The following PRX variants were observed in gnomAD, a reference collection of about 807,000 sequenced individuals.
The protein encoded by PRX is periaxin.
A neutral mutation model predicts 29.6 loss-of-function variants in PRX; 24 were observed. The observed-to-expected ratio is 0.81, with a 90% CI of 0.59 to 1.14. The LOEUF (loss-of-function observed/expected upper bound fraction) is 1.14. PRX is among the 50% of genes most tolerant of loss of function. PRX has a pLI of 0.00. For synonymous variants in PRX, 772 were observed against 831.7 expected (o/e 0.93, Z 1.24); for missense variants, 1,838 against 1,926.4 (o/e 0.95, Z 0.86).
chr19:40,396,223 T>G lies in PRX; in HGVS notation c.2129A>C (p.Gln710Pro). Reference protein sequence around the residue: ...AVPDVHLPEVQLPKVCEMKVP... With the variant: ...AVPDVHLPEVPLPKVCEMKVP... ...TTTCATTTCACAGACTTTGGGCAGCTGCACCTCTGGGAGGTGCACATCGGG... is the reference window on the plus strand; with the variant it reads ...TTTCATTTCACAGACTTTGGGCAGCGGCACCTCTGGGAGGTGCACATCGGG... The change falls in exon 7 of 7, where the codon CAG becomes CCG. Residue 710 changes from glutamine (Q) to proline (P), a missense_variant. Coordinates refer to ENST00000324001, the MANE Select transcript of PRX (RefSeq NM_181882.3). The G allele has an allele frequency of 6.2e-7, 1 of 1,613,050 alleles. No individual in the cohort carries two copies. The highest frequency in any genetic ancestry group is 8.5e-7 in the Non-Finnish European group (1 of 1,179,840).
In PRX at chr19:40,395,488, G is replaced by C; in HGVS notation, c.2864C>G (p.Thr955Ser). 6.2e-7 allele frequency: 1 copy of C among 1,613,844 alleles called. No homozygotes were observed. Among genetic ancestry groups the C allele is most frequent in the Non-Finnish European group, 8.5e-7 (1 of 1,179,950 alleles). ...GGCAAATTTGGATACCTTCAGCTTG[G>C]TAGCTCGCCCAGCCCCCTCAGCCTC... Reference protein sequence around the residue: ...KAEAEGAGRATKLKVSKFAIS... With the variant: ...KAEAEGAGRASKLKVSKFAIS... The change falls in exon 7 of 7, where the codon ACC (threonine) becomes AGC (serine). Residue 955 changes from threonine to serine, a missense_variant. Thr to Ser is a moderately conservative substitution (Grantham distance 58, BLOSUM62 1). Transcript: ENST00000324001.
rs369949312 is a variant in PRX, at chr19:40,394,003, G to C, written c.4349C>G (p.Pro1450Arg). 1 of 1,613,274 alleles carries C rather than the reference G, an allele frequency of 6.2e-7. No individual in the cohort carries two copies. Among genetic ancestry groups the C allele is most frequent in the Non-Finnish European group, 8.5e-7 (1 of 1,179,816 alleles). ...VGFSETGAPG[P>R]ARMEGAQAAA... ...AGCCTGAGCCCCCTCCATCCTGGCC[G>C]GGCCTGGAGCCCCTGTCTCTGAAAA... Residue 1450 changes from proline to arginine, a missense_variant, in exon 7 of 7, where the codon CCG becomes CGG. By Grantham distance (103) the Pro-to-Arg change is moderately radical. Coordinates refer to ENST00000324001, the MANE Select transcript of PRX (RefSeq NM_181882.3). The surrounding 1 kb of genome is among the most constrained non-coding windows in gnomAD (Gnocchi z 5.8).
Position 40,395,232 on chromosome 19 carries a change from TGGCACTA to T in PRX, c.3113_3119del (p.Leu1038GlnfsTer17), listed in dbSNP as rs1191080541. 1 of 1,613,454 alleles carries T rather than the reference TGGCACTA, an allele frequency of 6.2e-7. No individual in the cohort carries two copies. Among genetic ancestry groups the T allele is most frequent in the Admixed American group, 1.7e-5 (1 of 59,978 alleles). On this transcript the variant is annotated frameshift_variant, in exon 7 of 7. Transcript: ENST00000324001. LOFTEE classifies it low-confidence loss of function (END_TRUNC). Reference sequence around the variant, plus strand: ...CCTTGCCCTCCAACTCAGCCACCCCTGGCACTAGTTCTGCTGCCTCAGTGTCCCGGCC... The same window carrying T: ...CCTTGCCCTCCAACTCAGCCACCCCTGTTCTGCTGCCTCAGTGTCCCGGCC...
At position 40,397,804 on chromosome 19, in the gene PRX, G is replaced by T; in HGVS notation, c.548C>A (p.Pro183His). The stretch of plus-strand genomic sequence containing the variant: ...AGGCAGCTGGAGGCGCCGGCGGGCA[G>T]GGGCAGCCGGGACAGGACCCTTGAC... The part of the protein sequence containing the change: ...EAVKGPVPAA[P>H]ARRRLQLPRL... Residue 183 changes from proline (P) to histidine (H), a missense_variant, in exon 7 of 7, where the codon CCT (proline) becomes CAT (histidine). Pro to His is a moderately conservative substitution (Grantham distance 77). Around this residue, in one of 3 missense-constraint regions of PRX, gnomAD observed 666 missense variants for 665.0 expected, o/e 1.00. Coordinates refer to ENST00000324001, the MANE Select transcript of PRX (RefSeq NM_181882.3). 1 of 1,581,876 alleles carries T rather than the reference G, an allele frequency of 6.3e-7. No individual in the cohort carries two copies. Among genetic ancestry groups the T allele is most frequent in the East Asian group, 2.3e-5 (1 of 43,888 alleles).
In PRX at chr19:40,397,329, ACCCGGCAAGGCCAGGTCCACCC is replaced by A. The variant is rs1163615607; in HGVS notation, c.1001_1022del (p.Gly334ValfsTer15). The A allele has an allele frequency of 6.2e-7, 1 of 1,612,816 alleles. No homozygotes were observed. The highest frequency in any genetic ancestry group is 8.5e-7 in the Non-Finnish European group (1 of 1,179,920). ...CCTCTCCCCGGGCCTCCACCTCTGC[ACCCGGCAAGGCCAGGTCCACCC>A]CCACAGTCGGTGCTGCCACATCCAG... On this transcript the variant is annotated frameshift_variant, in exon 7 of 7. Transcript: ENST00000324001. LOFTEE classifies it low-confidence loss of function (END_TRUNC).
At position 40,397,404 on chromosome 19, in the gene PRX, T is replaced by G; in HGVS notation, c.948A>C (p.Glu316Asp). The change falls in exon 7 of 7, where the codon GAA becomes GAC. Residue 316 changes from glutamate to aspartate, a missense_variant. Physicochemically the swap from Glu to Asp is conservative, Grantham distance 45. Around this residue, in one of 3 missense-constraint regions of PRX, gnomAD observed 666 missense variants for 665.0 expected, o/e 1.00. Coordinates refer to ENST00000324001, the MANE Select transcript of PRX (RefSeq NM_181882.3). Reference protein sequence around the residue: ...LPTLPCLETREGAVSVVVPTL... With the variant: ...LPTLPCLETRDGAVSVVVPTL... ...TGGGCACCACTACCGACACAGCCCC[T>G]TCCCGGGTCTCTAGGCAGGGAAGTG... 1 of 1,611,046 alleles carries G rather than the reference T, an allele frequency of 6.2e-7. No individual in the cohort carries two copies. Among genetic ancestry groups the G allele is most frequent in the South Asian group, 1.1e-5 (1 of 90,816 alleles).
At chr19:40,404,424 T>TGGGGGGGGTGGGGGGGGGGGGGGGGGGGG (rs2079518645) in intron 4 of PRX, among the ~76,000 whole-genome samples, 2 of 65,400 alleles carry the variant, frequency 3.1e-5, no homozygotes, top group Non-Finnish European at 6.3e-5. Flanking sequence ...AGGGCGGGGC[T>TGGGGGGGGTGGGGGGGGGGGGGGGGGGGG]GGGGGGGGTT....
rs1206547114 is a variant in PRX at position 40,411,452 on chromosome 19, C to T, written c.-243+1886G>A. 6.6e-5 allele frequency among the ~76,000 whole-genome samples: 10 copies of T among 152,286 alleles called. No homozygotes were observed. The South Asian group carries it at 1.4e-3, about 22-fold the overall frequency. On this transcript the variant is annotated intron_variant, in intron 1 of 6. Coordinates refer to ENST00000324001, the MANE Select transcript of PRX (RefSeq NM_181882.3). ...GTCCTGAGCTGGGGACACGAGAAGC[C>T]TGAACCTTGTAGGTGGTAGTAGAGG...
In PRX at chr19:40,394,932, G is replaced by A. The variant is rs141297733; in HGVS notation, c.3420C>T (p.Asp1140=). ...CCAGCGGAGGCATCCTCAGCCCCGCGTCATGGCCCTCAGTGACCACCTGCC... is the reference window on the plus strand; with the variant it reads ...CCAGCGGAGGCATCCTCAGCCCCGCATCATGGCCCTCAGTGACCACCTGCC... ...TAGQVVTEGH[D]AGLRMPPLGI... The change falls in exon 7 of 7, where the codon GAC becomes GAT. Residue 1140 remains aspartate (D), a synonymous_variant. Transcript: ENST00000324001. This position sits in a 1 kb window ranked among gnomAD's most constrained non-coding sequence, Gnocchi z 5.8. The A allele has an allele frequency of 3.1e-6, 5 of 1,609,184 alleles. No homozygotes were observed. Among genetic ancestry groups the A allele is most frequent in the Non-Finnish European group, 4.2e-6 (5 of 1,179,594 alleles).
Position 40,393,899 on chromosome 19 carries a change from TCA to T in PRX, c.*65_*66del, listed in dbSNP as rs1391859749. 4 of 1,598,336 alleles carry T rather than the reference TCA, an allele frequency of 2.5e-6. No homozygotes were observed. Among genetic ancestry groups the T allele is most frequent in the Non-Finnish European group, 2.5e-6 (3 of 1,178,942 alleles). ...GCCCTCTTAGGGTTAGTGCTAGTTATCACACACACAACAGCGAGGGGGTAGAG... is the reference window on the plus strand; with the variant it reads ...GCCCTCTTAGGGTTAGTGCTAGTTATCACACACAACAGCGAGGGGGTAGAG... On this transcript the variant is annotated 3_prime_UTR_variant, in exon 7 of 7. Transcript: ENST00000324001.
chr19:40,396,187 A>G lies in PRX; in HGVS notation c.2165T>C (p.Met722Thr). 1.2e-6 allele frequency: 2 copies of G among 1,610,288 alleles called. No individual in the cohort carries two copies. Among genetic ancestry groups the G allele is most frequent in the East Asian group, 2.2e-5 (1 of 44,706 alleles). Reference protein sequence around the residue: ...PKVCEMKVPDMKLPEIKLPKV... With the variant: ...PKVCEMKVPDTKLPEIKLPKV... ...GGGGAGTTTTATCTCTGGGAGCTTC[A>G]TGTCAGGGACTTTCATTTCACAGAC... The change falls in exon 7 of 7, where the codon ATG becomes ACG. Residue 722 changes from methionine (M) to threonine (T), a missense_variant. By Grantham distance (81) the Met-to-Thr change is moderately conservative (BLOSUM62 -1). Transcript: ENST00000324001.
rs2079415231 is a variant in PRX at position 40,394,824 on chromosome 19, T to C, written c.3528A>G (p.Ser1176=). 6.2e-7 allele frequency: 1 copy of C among 1,613,228 alleles called. No homozygotes were observed. Among genetic ancestry groups the C allele is most frequent in the African/African-American group, 1.3e-5 (1 of 74,930 alleles). Residue 1176 remains serine (S), a synonymous_variant, in exon 7 of 7, where the codon TCA becomes TCG. Coordinates refer to ENST00000324001, the MANE Select transcript of PRX (RefSeq NM_181882.3). The surrounding 1 kb of genome is among the most constrained non-coding windows in gnomAD (Gnocchi z 5.8). ...CCCTGTAGCCTGCTGTGCCCTCTGC[T>C]GAAGGGACTGTACTCTGAGCCTGCT... ...PGQQAQSTVP[S]AEGTAGYRVQ...
At chr19:40,408,816 G>GTGTGTGTGT (rs1555802637) in intron 1 of PRX, among the ~76,000 whole-genome samples, 2 of 143,306 alleles carry the variant, frequency 1.4e-5, no homozygotes, top group Admixed American at 6.9e-5. Context: ...TGTTGTTGGT[G>GTGTGTGTGT]GTGTGTGTGT....
At chr19:40,402,215 A>C (rs184390842) in intron 5 of PRX, among the ~76,000 whole-genome samples, 1 of 150,746 alleles carries the variant, frequency 6.6e-6, no homozygotes, top group Non-Finnish European at 1.5e-5. Flanking sequence ...TTAGCCGGGC[A>C]TGGTGGCGGG....
chr19:40,397,108 A>G lies in PRX; in HGVS notation c.1244T>C (p.Leu415Pro). 6.2e-7 allele frequency: 1 copy of G among 1,614,128 alleles called. No individual in the cohort carries two copies. The highest frequency in any genetic ancestry group is 8.5e-7 in the Non-Finnish European group (1 of 1,180,040). The stretch of plus-strand genomic sequence containing the variant: ...GGGCATCTTGATGGTGGGCAGCTTC[A>G]GCTTGCTCTCTACAACTTCAGGAGC... ...PAAPEVVESK[L>P]KLPTIKMPSL... The change falls in exon 7 of 7, where the codon CTG (leucine) becomes CCG (proline). Residue 415 changes from leucine (L) to proline (P), a missense_variant. Around this residue, in one of 3 missense-constraint regions of PRX, gnomAD observed 666 missense variants for 665.0 expected, o/e 1.00. Coordinates refer to ENST00000324001, the MANE Select transcript of PRX (RefSeq NM_181882.3).
chr19:40,408,671 G>T (rs146643955), intron 1 of PRX, among the ~76,000 whole-genome samples: 146 of 152,318 alleles, frequency 9.6e-4, no homozygotes, highest in African/African-American at 3.4e-3. Flanking sequence ...TAGCTCTATT[G>T]CCCAGGCTGG....
At position 40,397,321 on chromosome 19, in the gene PRX, A is replaced by G. The variant is rs1266428371; in HGVS notation, c.1031T>C (p.Val344Ala). 1.2e-6 allele frequency: 2 copies of G among 1,612,984 alleles called. No individual in the cohort carries two copies. The highest frequency in any genetic ancestry group is 2.2e-5 in the South Asian group (2 of 91,074). The change falls in exon 7 of 7, where the codon GTG becomes GCG. Residue 344 changes from valine to alanine, a missense_variant. Transcript: ENST00000324001. ...CTCAGGTGCCTCTCCCCGGGCCTCC[A>G]CCTCTGCACCCGGCAAGGCCAGGTC... ...GVDLALPGAE[V>A]EARGEAPEVA...
chr19:40,400,899 C>T (rs1312193803), intron 5 of PRX, among the ~76,000 whole-genome samples: 1 of 152,182 alleles, frequency 6.6e-6, no homozygotes, highest in African/African-American at 2.4e-5. Context: ...GTATATCTCT[C>T]CAGTCCAGCA....
Position 40,402,189 on chromosome 19 carries a change from A to G in PRX, c.184+1517T>C, listed in dbSNP as rs1162208486. ...AACACGGTGAAACCCCGTCTCTACT[A>G]AAAATACAAAAAAAATTAGCCGGGC... On this transcript the variant is annotated intron_variant, in intron 5 of 6. Coordinates refer to ENST00000324001, the MANE Select transcript of PRX (RefSeq NM_181882.3). 5.3e-5 allele frequency among the ~76,000 whole-genome samples: 8 copies of G among 151,494 alleles called. No homozygotes were observed. In the East Asian group the frequency reaches 1.6e-3, roughly 30 times the overall value.
Sources: gnomAD v4.1 joint callset for allele counts (sites outside exome capture counted in the v4.1 genomes callset) on GRCh38, gnomAD v4.1.1 for gene constraint, gnomAD v4.1.1 regional missense constraint, Gnocchi (gnomAD v3.1) non-coding constraint, MANE v1.5 for transcripts, NCBI Gene and HGNC (gene_info 2026-07-23, HGNC 2026-07-21) for gene names.